Variants in ME3 observed in about 807,000 individuals in gnomAD.
The protein encoded by ME3 is NADP-dependent malic enzyme, mitochondrial.
ME3 carries 48 observed loss-of-function variants against 68.9 expected under a neutral mutation model. The ratio of observed to expected loss-of-function variants is 0.70; its 90% CI spans 0.55 to 0.89. ME3 has a LOEUF of 0.89. ME3 is among the 40% of genes least tolerant of loss of function. The pLI, the probability that ME3 is intolerant of heterozygous loss-of-function variation, is 0.00. For synonymous variants in ME3, 320 were observed against 318.8 expected (o/e 1.00, Z -0.04); for missense variants, 675 against 797.4 (o/e 0.85, Z 1.85).
At chr11:86,620,459 A>T (rs1194794086) in intron 2 of ME3, among the ~76,000 whole-genome samples, 4 of 152,326 alleles carry the variant, frequency 2.6e-5, no homozygotes, top group Non-Finnish European at 4.4e-5. Flanking sequence ...ACTCTTTTCT[A>T]ATATGTTGTA....
At chr11:86,467,683 T>A (rs551071712) in intron 7 of ME3, among the ~76,000 whole-genome samples, 116 of 128,070 alleles carry the variant, frequency 9.1e-4, no homozygotes, top group African/African-American at 2.9e-3. Flanking sequence ...TCTCTCTCTC[T>A]CTCTCTCTCT....
intron 14 of ME3, 85 bp from the exon 15 acceptor site, chr11:86,441,525 A>T: frequency 7.6e-7 from 1 of 1,320,642 alleles, no homozygotes; most frequent in Non-Finnish European, 1.0e-6. Context: ...GGGGGAGGGG[A>T]ATACACCTTA....
intron 2 of ME3, among the ~76,000 whole-genome samples, chr11:86,641,720 T>C (rs1381207157): frequency 6.6e-6 from 1 of 152,178 alleles, no homozygotes; most frequent in Non-Finnish European, 1.5e-5. Context: ...TGGAAAATTG[T>C]TTTCATCATT....
chr11:86,478,153 C>G (rs995652816), intron 7 of ME3, among the ~76,000 whole-genome samples: 1 of 151,864 alleles, frequency 6.6e-6, no homozygotes, highest in Non-Finnish European at 1.5e-5. Context: ...ATTTACTGCA[C>G]GAGTAAAGCC....
At position 86,446,625 on chromosome 11, in the gene ME3, G is replaced by A. The variant is rs148843659; in HGVS notation, c.1381-138C>T. ...CAGCACTGTGCTGAGAACATGGCAG[G>A]TATTTAAAGCACATTTGTCATTTGA... is the stretch of plus-strand genomic sequence containing the variant. On this transcript the variant is annotated intron_variant, in intron 12 of 14. Transcript: ENST00000543262. 2.9e-4 allele frequency: 238 copies of A among 812,826 alleles called. 2 individuals are homozygous for A. In the Middle Eastern group the frequency reaches 8.4e-3, roughly 29 times the overall value. The allele number at this position is 812,826 out of a possible 1,614,324, so 50.4% of individuals were successfully genotyped here.
At chr11:86,512,856 C>T (rs1953641557) in intron 4 of ME3, among the ~76,000 whole-genome samples, 1 of 152,134 alleles carries the variant, frequency 6.6e-6, no homozygotes. Context: ...GTCTGTTTGA[C>T]CTGTAGATTA....
rs1960944350 is a variant in ME3, at chr11:86,602,861, AT to A, written c.184-43039del. 5.3e-5 allele frequency among the ~76,000 whole-genome samples: 8 copies of A among 152,330 alleles called. No individual in the cohort carries two copies. In the South Asian group the frequency reaches 1.7e-3, roughly 32 times the overall value. ...ACAAGCAATGGGGAAAGGATTCCCT[AT>A]TTAATAAATGGTGCTGGGAAAACTG... On this transcript the variant is annotated intron_variant, in intron 2 of 14. Transcript: ENST00000543262.
At chr11:86,534,568 G>T (rs541742153) in intron 4 of ME3, among the ~76,000 whole-genome samples, 1 of 151,990 alleles carries the variant, frequency 6.6e-6, no homozygotes, top group Admixed American at 6.6e-5. Flanking sequence ...CCAGCTACTC[G>T]GGAGACTGAG....
intron 6 of ME3, among the ~76,000 whole-genome samples, chr11:86,489,420 G>C (rs927055929): frequency 1.2e-4 from 18 of 152,220 alleles, no homozygotes; most frequent in African/African-American, 4.1e-4. Context: ...CTATAAAACA[G>C]TGGTAGCAGT....
intron 2 of ME3, among the ~76,000 whole-genome samples, chr11:86,567,701 T>C (rs1196424043): frequency 1.3e-5 from 2 of 152,218 alleles, no homozygotes; most frequent in Non-Finnish European, 2.9e-5. Flanking sequence ...GATTACAAGA[T>C]AATACTTCTT....
chr11:86,657,604 G>C (rs1165261155), intron 2 of ME3, among the ~76,000 whole-genome samples: 2 of 152,046 alleles, frequency 1.3e-5, no homozygotes, highest in East Asian at 1.9e-4. Flanking sequence ...GTGTATCCCA[G>C]AACTTCAGTA....
In ME3 at chr11:86,498,466, G is replaced by A. The variant is rs562794676; in HGVS notation, c.544-342C>T. On this transcript the variant is annotated intron_variant, in intron 5 of 14. Coordinates refer to ENST00000543262, the Ensembl canonical transcript of ME3. The stretch of plus-strand genomic sequence containing the variant: ...AATAGACACTCTCAGCCTGAGACTC[G>A]GGGTGGTGGGTAGGGAAGGGCATAA... Among the ~76,000 whole-genome samples, 31 of 152,298 alleles carry A rather than the reference G, an allele frequency of 2.0e-4. No homozygotes were observed. The East Asian group carries it at 6.0e-3, about 29-fold the overall frequency.
At chr11:86,523,925 A>C (rs972526006) in intron 4 of ME3, among the ~76,000 whole-genome samples, 6 of 152,216 alleles carry the variant, frequency 3.9e-5, no homozygotes, top group African/African-American at 7.2e-5. Flanking sequence ...AGAACAGAGA[A>C]AGTTAATGTA....
Position 86,599,444 on chromosome 11 carries a change from G to A in ME3, c.184-39621C>T, listed in dbSNP as rs1240529127. 3.9e-5 allele frequency among the ~76,000 whole-genome samples: 6 copies of A among 152,270 alleles called. No individual in the cohort carries two copies. In the East Asian group the frequency reaches 1.2e-3, roughly 29 times the overall value. Reference sequence around the variant, plus strand: ...CGAACAAAGCCTCCAAGAAATATGGGACTATCTGAAAAGACCAAATCTGCA... The same window carrying A: ...CGAACAAAGCCTCCAAGAAATATGGAACTATCTGAAAAGACCAAATCTGCA... On this transcript the variant is annotated intron_variant, in intron 2 of 14. Coordinates refer to ENST00000543262, the Ensembl canonical transcript of ME3.
chr11:86,597,427 G>C (rs911219484), intron 2 of ME3, among the ~76,000 whole-genome samples: 1 of 152,196 alleles, frequency 6.6e-6, no homozygotes, highest in African/African-American at 2.4e-5. Context: ...TTGGTCAAAG[G>C]ACTTTTAGAG....
Position 86,475,874 on chromosome 11 carries a change from T to TAGAGAGAG in ME3, c.810-10682_810-10675dup, listed in dbSNP as rs1555206746. Among the ~76,000 whole-genome samples the TAGAGAGAG allele has an allele frequency of 2.3e-3, 213 of 91,442 alleles. 2 individuals carry two copies. The highest frequency in any genetic ancestry group is 6.5e-3 in the African/African-American group (130 of 19,992). The allele number at this position is 91,442 out of a possible 152,430, so 60.0% of individuals were successfully genotyped here. ...CAGTATATATATATATATATATATA[T>TAGAGAGAG]AGAGAGAGAGAGAGAGAGAGAGAGA... On this transcript the variant is annotated intron_variant, in intron 7 of 14. Transcript: ENST00000543262.
chr11:86,643,504 G>A (rs1003572250), intron 2 of ME3, among the ~76,000 whole-genome samples: 128 of 152,116 alleles, frequency 8.4e-4, no homozygotes, highest in African/African-American at 3.0e-3. Context: ...CCAAGAAAAA[G>A]TAATCACCCT....
rs1354677971 is a variant in ME3, at chr11:86,656,108, G to A, written c.183+15654C>T. Among the ~76,000 whole-genome samples, 274 of 149,972 alleles carry A rather than the reference G, an allele frequency of 1.8e-3. 3 individuals are homozygous for A. Among genetic ancestry groups the A allele is most frequent in the Non-Finnish European group, 3.3e-3 (223 of 67,108 alleles). On this transcript the variant is annotated intron_variant, in intron 2 of 14. Transcript: ENST00000543262. ...CAAAAGTCAGGAAACAACAGGTGCTGGAGAGGATGTGGAGAAATAGGAACA... is the reference window on the plus strand; with the variant it reads ...CAAAAGTCAGGAAACAACAGGTGCTAGAGAGGATGTGGAGAAATAGGAACA...
intron 4 of ME3, among the ~76,000 whole-genome samples, chr11:86,518,431 A>G (rs774371602): frequency 8.5e-5 from 13 of 152,160 alleles, no homozygotes; most frequent in Non-Finnish European, 1.9e-4. Flanking sequence ...TTCCCCATAT[A>G]TCTTCCAGTG....
Sources: gnomAD v4.1 joint callset for allele counts (sites outside exome capture counted in the v4.1 genomes callset) on GRCh38, gnomAD v4.1.1 for gene constraint, MANE v1.5 for transcripts, NCBI Gene and HGNC (gene_info 2026-07-23, HGNC 2026-07-21) for gene names.